The following LY6G5C variants were observed in gnomAD, a reference collection of about 807,000 sequenced individuals.
LY6G5C encodes lymphocyte antigen 6 complex locus protein G5c.
Under a neutral mutation model 10.5 loss-of-function variants are expected in LY6G5C, and 6 were observed. That is an observed-to-expected ratio of 0.57 (90% CI 0.31 to 1.12). The LOEUF is 1.12. LY6G5C is among the 50% of genes most tolerant of loss of function. The pLI is 0.05. For missense variants in LY6G5C, 160 were observed against 185.5 expected (o/e 0.86, Z 0.80); for synonymous variants, 69 against 67.8 (o/e 1.02, Z -0.09).
intron 2 of LY6G5C, among the ~76,000 whole-genome samples, chr6:31,678,082 T>C (rs1802678496): frequency 6.6e-6 from 1 of 152,178 alleles, no homozygotes; most frequent in Non-Finnish European, 1.5e-5. Context: ...CAGGCAAGGT[T>C]ATGACCTTTC....
Position 31,679,217 on chromosome 6 carries a change from T to C in LY6G5C, c.173A>G (p.Lys58Arg). ...GAGGCATCGGTAGCAGCGCAGGTAT[T>C]TGGGGAATGGAAGTGGTTGAGGGGG... Residue 58 changes from lysine to arginine, a missense_variant, in exon 2 of 3, where the codon AAA becomes AGA. By Grantham distance (26) the Lys-to-Arg change is conservative. Transcript: ENST00000383237. This position sits in a 1 kb window ranked among gnomAD's most constrained non-coding sequence, Gnocchi z 4.4. 1 of 1,612,912 alleles carries C rather than the reference T, an allele frequency of 6.2e-7. No individual in the cohort carries two copies. The highest frequency in any genetic ancestry group is 8.5e-7 in the Non-Finnish European group (1 of 1,179,992).
chr6:31,677,435 G>A (rs1376728615), intron 2 of LY6G5C, among the ~76,000 whole-genome samples: 1 of 152,162 alleles, frequency 6.6e-6, no homozygotes, highest in African/African-American at 2.4e-5. Flanking sequence ...GTGGCAGGAA[G>A]GAGGTGTATT....
In LY6G5C at chr6:31,680,072, T is replaced by A; in HGVS notation, c.121+181A>T. Reference sequence around the variant, plus strand: ...AAAAATAATAATAATAATAAATTTTTAAAAATCTTCAGATTGCACATCAGT... The same window carrying A: ...AAAAATAATAATAATAATAAATTTTAAAAAATCTTCAGATTGCACATCAGT... On this transcript the variant is annotated intron_variant, in intron 1 of 2. Transcript: ENST00000383237. The surrounding 1 kb of genome is among the most constrained non-coding windows in gnomAD (Gnocchi z 4.5). The A allele has an allele frequency of 4.9e-6, 3 of 606,866 alleles. No individual in the cohort carries two copies. Among genetic ancestry groups the A allele is most frequent in the Non-Finnish European group, 8.6e-6 (3 of 347,130 alleles). The allele number at this position is 606,866 out of a possible 1,614,324, so 37.6% of individuals were successfully genotyped here.
chr6:31,677,496 A>T (rs1195398764), intron 2 of LY6G5C, among the ~76,000 whole-genome samples: 1 of 152,186 alleles, frequency 6.6e-6, no homozygotes, highest in Non-Finnish European at 1.5e-5. Context: ...TGCTGCTGTT[A>T]TACATAATAG....
chr6:31,680,792 T>G (rs909805182), upstream of LY6G5C, among the ~76,000 whole-genome samples: 7 of 152,116 alleles, frequency 4.6e-5, no homozygotes, highest in African/African-American at 1.4e-4. This position sits in a 1 kb window ranked among gnomAD's most constrained non-coding sequence, Gnocchi z 4.5. Flanking sequence ...TTGATCGGAT[T>G]TCTGTTTATA....
At chr6:31,680,447 C>T, upstream of LY6G5C, 2 of 1,517,392 alleles carry the variant, frequency 1.3e-6, no homozygotes, top group South Asian at 1.3e-5. This position sits in a 1 kb window ranked among gnomAD's most constrained non-coding sequence, Gnocchi z 4.5. Context: ...AGAGAGGCAA[C>T]ACCAGCTCAG....
In LY6G5C at chr6:31,680,340, T is replaced by A. The variant is rs748028066; in HGVS notation, c.34A>T (p.Ser12Cys). 1 of 1,601,504 alleles carries A rather than the reference T, an allele frequency of 6.2e-7. No individual in the cohort carries two copies. The highest frequency in any genetic ancestry group is 1.1e-5 in the South Asian group (1 of 89,332). The change falls in exon 1 of 3, where the codon AGT becomes TGT. Residue 12 changes from serine to cysteine, a missense_variant. Physicochemically the swap from Ser to Cys is moderately radical, Grantham distance 112 (BLOSUM62 -1). Transcript: ENST00000383237. The surrounding 1 kb of genome is among the most constrained non-coding windows in gnomAD (Gnocchi z 4.5). ...CTGTGGAAGCACAGGGGACCCAGAC[T>A]CTGGCTCCCTGCAGGGCCTGCCATA...
In LY6G5C at chr6:31,680,052, T is replaced by C. The variant is rs956968797; in HGVS notation, c.121+201A>G. 7 of 502,142 alleles carry C rather than the reference T, an allele frequency of 1.4e-5. No homozygotes were observed. The highest frequency in any genetic ancestry group is 2.5e-5 in the Non-Finnish European group (7 of 284,294). 31.1% of individuals were successfully genotyped at this position (502,142 alleles called of 1,614,324 possible). ...ACAGAGCGAGACTCCATCTCAAAAA[T>C]AATAATAATAATAAATTTTTAAAAA... On this transcript the variant is annotated intron_variant, in intron 1 of 2. Coordinates refer to ENST00000383237, the Ensembl canonical transcript of LY6G5C. This position sits in a 1 kb window ranked among gnomAD's most constrained non-coding sequence, Gnocchi z 4.5.
intron 2 of LY6G5C, among the ~76,000 whole-genome samples, chr6:31,677,850 T>TA (rs1316368700): frequency 6.6e-6 from 1 of 151,980 alleles, no homozygotes; most frequent in Non-Finnish European, 1.5e-5. Flanking sequence ...ATCCAGAAAG[T>TA]AAAAAAAGTG....
intron 2 of LY6G5C, among the ~76,000 whole-genome samples, chr6:31,678,631 A>G (rs1005443916): frequency 2.0e-5 from 3 of 152,178 alleles, no homozygotes; most frequent in African/African-American, 7.2e-5. Context: ...CTATTCAGCT[A>G]CAGATTGAGG....
intron 2 of LY6G5C, among the ~76,000 whole-genome samples, chr6:31,678,401 GA>G (rs1802695475): frequency 6.6e-6 from 1 of 152,188 alleles, no homozygotes. Flanking sequence ...TATGAAGTGG[GA>G]AGACAGCTAA....
intron 2 of LY6G5C, among the ~76,000 whole-genome samples, chr6:31,677,864 A>G (rs998536212): frequency 6.6e-6 from 1 of 152,212 alleles, no homozygotes; most frequent in East Asian, 1.9e-4. Flanking sequence ...AAAAGTGGTC[A>G]CATGTGCAGG....
At chr6:31,678,937 GCCACTGCACT>G (rs1217455311) in intron 2 of LY6G5C, among the ~76,000 whole-genome samples, 154 bp downstream of exon 2, 2 of 151,236 alleles carry the variant, frequency 1.3e-5, no homozygotes, top group Non-Finnish European at 2.9e-5. Context: ...CCAAGATTGC[GCCACTGCACT>G]CCAGCCTGGG....
rs1029912796 is a variant in LY6G5C, at chr6:31,679,972, G to A, written c.121+281C>T. The A allele has an allele frequency of 2.7e-5, 8 of 293,176 alleles. No individual in the cohort carries two copies. The East Asian group carries it at 3.0e-4, about 11-fold the overall frequency. The allele number at this position is 293,176 out of a possible 1,614,324, so 18.2% of individuals were successfully genotyped here. A position where few individuals can be genotyped will look rare whatever the true frequency, so the allele number is the denominator to read the frequency against. Reference sequence around the variant, plus strand: ...TGAGGCATGAGAATCGCTTGAACCCGGGAGGTGGAGGTTGCAGTGAGCCGA... The same window carrying A: ...TGAGGCATGAGAATCGCTTGAACCCAGGAGGTGGAGGTTGCAGTGAGCCGA... On this transcript the variant is annotated intron_variant, in intron 1 of 2. Coordinates refer to ENST00000383237, the Ensembl canonical transcript of LY6G5C. This position sits in a 1 kb window ranked among gnomAD's most constrained non-coding sequence, Gnocchi z 4.4.
Position 31,679,324 on chromosome 6 carries a change from C to A in LY6G5C, c.122-56G>T. 2 of 1,596,776 alleles carry A rather than the reference C, an allele frequency of 1.3e-6. No homozygotes were observed. Among genetic ancestry groups the A allele is most frequent in the South Asian group, 2.2e-5 (2 of 90,728 alleles). The stretch of plus-strand genomic sequence containing the variant: ...ACACCCCATTCTACCTCACACCCTA[C>A]CACTGCCTGATTCCAGGCCACTCAG... On this transcript the variant is annotated intron_variant, in intron 1 of 2. Transcript: ENST00000383237. This position sits in a 1 kb window ranked among gnomAD's most constrained non-coding sequence, Gnocchi z 4.4.
chr6:31,678,184 T>C (rs751267254), intron 2 of LY6G5C, among the ~76,000 whole-genome samples: 1 of 152,226 alleles, frequency 6.6e-6, no homozygotes, highest in Non-Finnish European at 1.5e-5. Context: ...GCACATATTA[T>C]GTGTTACGTT....
intron 2 of LY6G5C, 127 bp from the exon 3 acceptor site, chr6:31,677,247 G>A (rs1447320124): frequency 3.4e-6 from 3 of 885,326 alleles, no homozygotes; most frequent in Non-Finnish European, 5.1e-6. Flanking sequence ...GGCATGGGTG[G>A]ACATGCCCAG....
chr6:31,678,281 C>A (rs889735356), intron 2 of LY6G5C, among the ~76,000 whole-genome samples: 3 of 152,118 alleles, frequency 2.0e-5, no homozygotes, highest in African/African-American at 7.2e-5. Context: ...GTCCAGTGGT[C>A]AACGGGATAT....
rs755633727 is a variant in LY6G5C at position 31,679,189 on chromosome 6, C to T, written c.201G>A (p.Leu67=). The change falls in exon 2 of 3, where the codon TTG becomes TTA. Residue 67 remains leucine, a synonymous_variant. Transcript: ENST00000383237. The surrounding 1 kb of genome is among the most constrained non-coding windows in gnomAD (Gnocchi z 4.4). Reference sequence around the variant, plus strand: ...GAAGGCACCCTAACTCCTTGGTCTCCAAGAGGCATCGGTAGCAGCGCAGGT... The same window carrying T: ...GAAGGCACCCTAACTCCTTGGTCTCTAAGAGGCATCGGTAGCAGCGCAGGT... 6.2e-7 allele frequency: 1 copy of T among 1,612,962 alleles called. No individual in the cohort carries two copies.
Sources: allele counts gnomAD v4.1 joint callset (sites outside exome capture counted in the v4.1 genomes callset), GRCh38; gene constraint gnomAD v4.1.1; non-coding constraint Gnocchi (gnomAD v3.1); transcripts MANE v1.5; gene names NCBI Gene and HGNC (gene_info 2026-07-23, HGNC 2026-07-21).